USH2A: variants seen among roughly 807,000 people sequenced by gnomAD.
USH2A encodes the protein usherin.
Under a neutral mutation model 538.9 loss-of-function variants are expected in USH2A, and 443 were observed. That is an observed-to-expected ratio of 0.82 (90% CI 0.76 to 0.89). The LOEUF is 0.89. Ranked by LOEUF, USH2A falls within the 40% of genes least tolerant of loss-of-function variation. USH2A has a pLI of 0.00. For synonymous variants in USH2A, 2,413 were observed against 2,273.5 expected (o/e 1.06, Z -1.75); for missense variants, 6,633 against 6,324.8 (o/e 1.05, Z -1.65).
At chr1:216,367,702 A>G (rs1319797660) in intron 3 of USH2A, among the ~76,000 whole-genome samples, 4 of 152,128 alleles carry the variant, frequency 2.6e-5, no homozygotes, top group Non-Finnish European at 5.9e-5. Flanking sequence ...TTCCATACAT[A>G]AGATTAAATC....
intron 13 of USH2A, among the ~76,000 whole-genome samples, chr1:216,243,827 C>T (rs1364736381): frequency 6.6e-6 from 1 of 152,124 alleles, no homozygotes; most frequent in African/African-American, 2.4e-5. Context: ...ATGTTTAATG[C>T]TCCCTACTCT....
intron 58 of USH2A, among the ~76,000 whole-genome samples, chr1:215,747,708 A>G (rs996287690): frequency 6.6e-6 from 1 of 152,208 alleles, no homozygotes; most frequent in Non-Finnish European, 1.5e-5. Flanking sequence ...TTTGACCTTC[A>G]GCAGGAGGAT....
At chr1:215,902,597 T>C (rs1054521637) in intron 38 of USH2A, among the ~76,000 whole-genome samples, 3 of 151,984 alleles carry the variant, frequency 2.0e-5, no homozygotes, top group Non-Finnish European at 4.4e-5. Flanking sequence ...TGTAGAAAAA[T>C]AAAGCAGTGT....
intron 37 of USH2A, among the ~76,000 whole-genome samples, chr1:215,936,825 A>G (rs1363473459): frequency 1.3e-5 from 2 of 152,076 alleles, no homozygotes; most frequent in African/African-American, 4.8e-5. Context: ...CCAATGTGTC[A>G]TTGTCCCATC....
Position 216,422,403 on chromosome 1 carries a change from G to T in USH2A, c.-67C>A. 6.2e-7 allele frequency: 1 copy of T among 1,605,216 alleles called. No homozygotes were observed. On this transcript the variant is annotated 5_prime_UTR_variant, in exon 2 of 72. Coordinates refer to ENST00000307340, the MANE Select transcript of USH2A (RefSeq NM_206933.4). ...ATAAATAATCAGGCCCACGCCACTTGCCAGCAATACTTTGAAGCAGGGTAC... is the reference window on the plus strand; with the variant it reads ...ATAAATAATCAGGCCCACGCCACTTTCCAGCAATACTTTGAAGCAGGGTAC...
chr1:215,671,396 G>T (rs1657812798), intron 63 of USH2A, 103 bp from the exon 64 acceptor site: 3 of 1,200,698 alleles, frequency 2.5e-6, no homozygotes, highest in East Asian at 5.0e-5. Context: ...AAGCTTACAT[G>T]TATTCTTATT....
chr1:216,049,874 C>T (rs1378666743), intron 30 of USH2A, among the ~76,000 whole-genome samples: 3 of 152,116 alleles, frequency 2.0e-5, no homozygotes, highest in African/African-American at 7.2e-5. Flanking sequence ...ATCCTGTCTG[C>T]CATGCTTCTA....
chr1:216,026,273 A>C (rs1252530416), intron 32 of USH2A, among the ~76,000 whole-genome samples: 1 of 152,096 alleles, frequency 6.6e-6, no homozygotes, highest in African/African-American at 2.4e-5. Context: ...AATTACATAG[A>C]ATTTATTCAC....
At chr1:216,272,143 C>A (rs2036587196) in intron 11 of USH2A, among the ~76,000 whole-genome samples, 1 of 151,996 alleles carries the variant, frequency 6.6e-6, no homozygotes, top group African/African-American at 2.4e-5. Flanking sequence ...CTGAGATTTT[C>A]CTTGTTGAAA....
intron 43 of USH2A, among the ~76,000 whole-genome samples, chr1:215,870,137 C>T (rs974482516): frequency 6.6e-6 from 1 of 152,086 alleles, no homozygotes; most frequent in Non-Finnish European, 1.5e-5. Context: ...AGGGTTTATT[C>T]ATTTCCAATA....
At chr1:216,321,809 T>C in intron 9 of USH2A, 74 bp downstream of exon 9, 3 of 1,322,492 alleles carry the variant, frequency 2.3e-6, no homozygotes, top group Non-Finnish European at 3.3e-6. Context: ...TAGGCCAAGA[T>C]TAAGTTCATA....
chr1:215,885,018 T>A (rs1229989979), intron 41 of USH2A, among the ~76,000 whole-genome samples: 2 of 152,168 alleles, frequency 1.3e-5, no homozygotes, highest in African/African-American at 2.4e-5. Context: ...AAAGAAGTTT[T>A]TTTTTTCTTT....
chr1:215,888,700 G>C lies in USH2A; in HGVS notation c.7949C>G (p.Pro2650Arg), dbSNP rs774819705. The change falls in exon 41 of 72, where the codon CCC becomes CGC. Residue 2650 changes from proline to arginine, a missense_variant. Coordinates refer to ENST00000307340, the MANE Select transcript of USH2A (RefSeq NM_206933.4). Reference protein sequence around the residue: ...VIISWQPPTHPNGLVENFTIE... With the variant: ...VIISWQPPTHRNGLVENFTIE... ...TGTGAAATTCTCCACCAAGCCATTG[G>C]GGTGGGTAGGGGGTTGCCAAGATAT... 6.2e-7 allele frequency: 1 copy of C among 1,614,098 alleles called. No homozygotes were observed. The highest frequency in any genetic ancestry group is 1.1e-5 in the South Asian group (1 of 91,082).
At chr1:215,982,241 C>G (rs766523564) in intron 35 of USH2A, among the ~76,000 whole-genome samples, 1 of 152,190 alleles carries the variant, frequency 6.6e-6, no homozygotes, top group South Asian at 2.1e-4. Flanking sequence ...GGTGGCCTGA[C>G]AGTTGATCTG....
Position 216,175,491 on chromosome 1 carries a change from T to C in USH2A, c.4397-9A>G. 6.2e-7 allele frequency: 1 copy of C among 1,613,364 alleles called. No individual in the cohort carries two copies. Among genetic ancestry groups the C allele is most frequent in the Non-Finnish European group, 8.5e-7 (1 of 1,179,562 alleles). ...CCTCAGTTGTGCTGGTGCTAAATAT[T>C]AGAAAACACCTGTTATATTCAAGAA... On this transcript the variant is annotated splice_polypyrimidine_tract_variant and intron_variant, in intron 20 of 71. Transcript: ENST00000307340.
At chr1:216,219,282 T>A (rs1397839752) in intron 14 of USH2A, among the ~76,000 whole-genome samples, 1 of 152,106 alleles carries the variant, frequency 6.6e-6, no homozygotes. Flanking sequence ...TCTGACTTGT[T>A]ATAATCACTT....
intron 32 of USH2A, among the ~76,000 whole-genome samples, chr1:216,041,730 T>C: frequency 6.6e-6 from 1 of 152,054 alleles, no homozygotes; most frequent in East Asian, 1.9e-4. Flanking sequence ...CAATTAAATT[T>C]TTGCTCATCA....
intron 61 of USH2A, among the ~76,000 whole-genome samples, chr1:215,715,341 C>G (rs896940670): frequency 4.6e-5 from 7 of 152,120 alleles, no homozygotes; most frequent in African/African-American, 1.7e-4. Context: ...CTGTTTTCCC[C>G]AAAAACAAAA....
chr1:216,047,227 A>G (rs1460883752), intron 31 of USH2A, among the ~76,000 whole-genome samples: 1 of 152,196 alleles, frequency 6.6e-6, no homozygotes, highest in Non-Finnish European at 1.5e-5. Flanking sequence ...TTAAAAATAA[A>G]AAAGGAAATA....
Sources: gnomAD v4.1 joint callset for allele counts (sites outside exome capture counted in the v4.1 genomes callset) on GRCh38, gnomAD v4.1.1 for gene constraint, MANE v1.5 for transcripts, NCBI Gene and HGNC (gene_info 2026-07-23, HGNC 2026-07-21) for gene names.